DLGAP3: variants seen among roughly 807,000 people sequenced by gnomAD.
DLGAP3 encodes the protein DLG associated protein 3.
In DLGAP3, 17 loss-of-function variants were observed where a neutral mutation model predicts 81.2. The ratio of observed to expected loss-of-function variants is 0.21; its 90% confidence interval spans 0.14 to 0.31. DLGAP3 has a LOEUF of 0.31. Ranked by LOEUF, DLGAP3 falls within the 10% of genes least tolerant of loss-of-function variation. The pLI, the probability that DLGAP3 is intolerant of heterozygous loss-of-function variation, is 1.00. For missense variants in DLGAP3, 1,124 were observed against 1,388.0 expected, an observed-to-expected ratio of 0.81 and a Z score of 3.02; for synonymous variants, 577 against 587.4, an observed-to-expected ratio of 0.98 and a Z score of 0.26.
intron 1 of DLGAP3, among the ~76,000 whole-genome samples, chr1:34,922,179 G>T (rs1412876840): frequency 6.6e-6 from 1 of 152,092 alleles, no homozygotes; most frequent in East Asian, 1.9e-4. Context: ...TTCTTACTTG[G>T]CTATCCCCAA....
chr1:34,916,260 G>A (rs148841929), intron 1 of DLGAP3, among the ~76,000 whole-genome samples: 20 of 152,354 alleles, frequency 1.3e-4, no homozygotes, highest in South Asian at 6.2e-4. Context: ...AGAGGTGGGA[G>A]TGTCCCGTCC....
chr1:34,870,841 G>A (rs1056686961), intron 8 of DLGAP3, among the ~76,000 whole-genome samples: 1 of 152,212 alleles, frequency 6.6e-6, no homozygotes, highest in African/African-American at 2.4e-5. Context: ...GGGGCCAGGA[G>A]TTAGCTCTGA....
chr1:34,872,881 T>C (rs1439191998), intron 8 of DLGAP3, among the ~76,000 whole-genome samples: 1 of 152,168 alleles, frequency 6.6e-6, no homozygotes, highest in Non-Finnish European at 1.5e-5. Flanking sequence ...CCATTGAGAC[T>C]CTGACCCCAG....
At chr1:34,907,322 A>C (rs1245591989) in intron 2 of DLGAP3, 33 bp downstream of exon 2, 3 of 152,588 alleles carry the variant, frequency 2.0e-5, no homozygotes, top group Non-Finnish European at 2.9e-5. Context: ...ACCTGAGTCT[A>C]ATCCCCATCT....
chr1:34,879,945 C>A (rs1333010534), intron 8 of DLGAP3, among the ~76,000 whole-genome samples: 1 of 151,912 alleles, frequency 6.6e-6, no homozygotes, highest in Non-Finnish European at 1.5e-5. Context: ...AGAAAATAAC[C>A]AAAAGTAGAA....
chr1:34,899,494 C>T (rs187491018), intron 5 of DLGAP3, among the ~76,000 whole-genome samples, 175 bp downstream of exon 5: 25 of 152,358 alleles, frequency 1.6e-4, no homozygotes, highest in Admixed American at 9.1e-4. Context: ...CTGTGATTCT[C>T]TGAGACTCCC....
intron 5 of DLGAP3, among the ~76,000 whole-genome samples, chr1:34,890,713 A>T (rs1179890676): frequency 6.6e-6 from 1 of 152,204 alleles, no homozygotes; most frequent in Non-Finnish European, 1.5e-5. Context: ...ATGGAAGCAG[A>T]TCTTCACCCA....
Position 34,910,826 on chromosome 1 carries a change from C to G in DLGAP3, c.-134-3389G>C, listed in dbSNP as rs1639628460. Among the ~76,000 whole-genome samples the G allele has an allele frequency of 2.0e-5, 3 of 152,174 alleles. No homozygotes were observed. In the South Asian group the frequency reaches 6.2e-4, roughly 31 times the overall value. ...TGTGACTCCTAGATTGTCCATCTCT[C>G]CCATTAGAATGTAAGCTCCACATAA... On this transcript the variant is annotated intron_variant, in intron 1 of 11. Transcript: ENST00000373347.
chr1:34,872,812 A>G (rs1639000083), intron 8 of DLGAP3, among the ~76,000 whole-genome samples: 1 of 152,212 alleles, frequency 6.6e-6, no homozygotes. Flanking sequence ...GCCTCTATAA[A>G]CTGGGAAAAG....
intron 11 of DLGAP3, 64 bp downstream of exon 11, chr1:34,866,984 A>G (rs1215633826): frequency 1.9e-6 from 3 of 1,587,598 alleles, no homozygotes; most frequent in Non-Finnish European, 2.6e-6. Context: ...CCCACCCTCC[A>G]CCTCTCTGGG....
intron 1 of DLGAP3, among the ~76,000 whole-genome samples, chr1:34,914,873 G>A (rs1373481954): frequency 6.6e-6 from 1 of 152,134 alleles, no homozygotes; most frequent in Non-Finnish European, 1.5e-5. Flanking sequence ...ACGCATGCAG[G>A]AATTTCTGTT....
intron 1 of DLGAP3, among the ~76,000 whole-genome samples, chr1:34,908,577 A>G (rs1411260507): frequency 6.6e-6 from 1 of 152,208 alleles, no homozygotes; most frequent in African/African-American, 2.4e-5. Context: ...CTGGAAGACT[A>G]ATGATGTCAT....
rs1638912983 is a variant in DLGAP3 at position 34,868,021 on chromosome 1, T to C, written c.2486-394A>G. ...CCCAGTGCATGCAAGACTCCTTGGC[T>C]CTTTAAGAATGACCAAGTAATTTCA... is the stretch of plus-strand genomic sequence containing the variant. On this transcript the variant is annotated intron_variant, in intron 9 of 11. Transcript: ENST00000373347. This position sits in a 1 kb window ranked among gnomAD's most constrained non-coding sequence, Gnocchi z 7.5. Among the ~76,000 whole-genome samples the C allele has an allele frequency of 6.6e-6, 1 of 152,196 alleles. No homozygotes were observed. Among genetic ancestry groups the C allele is most frequent in the Non-Finnish European group, 1.5e-5 (1 of 68,034 alleles).
chr1:34,927,860 T>C (rs1021184005), intron 1 of DLGAP3, among the ~76,000 whole-genome samples: 4 of 152,172 alleles, frequency 2.6e-5, no homozygotes, highest in Non-Finnish European at 5.9e-5. Flanking sequence ...TTTGGGTCAC[T>C]GAAAGACCTG....
intron 1 of DLGAP3, among the ~76,000 whole-genome samples, chr1:34,918,795 T>C (rs1639757615): frequency 6.6e-6 from 1 of 152,076 alleles, no homozygotes; most frequent in African/African-American, 2.4e-5. Flanking sequence ...AAGGTCATCA[T>C]TACTCAGGAC....
chr1:34,917,053 A>G (rs1437963317), intron 1 of DLGAP3, among the ~76,000 whole-genome samples: 1 of 152,046 alleles, frequency 6.6e-6, no homozygotes, highest in African/African-American at 2.4e-5. Context: ...GAGGAGGCCA[A>G]TAGGTGGACC....
chr1:34,885,164 G>A, intron 7 of DLGAP3, 101 bp from the exon 8 acceptor site: 1 of 1,183,546 alleles, frequency 8.4e-7, no homozygotes, highest in Non-Finnish European at 1.2e-6. Flanking sequence ...CCAGCTGGCA[G>A]GTCCTGCAAA....
At chr1:34,928,183 C>T (rs1331270654) in intron 1 of DLGAP3, among the ~76,000 whole-genome samples, 2 of 152,060 alleles carry the variant, frequency 1.3e-5, no homozygotes, top group East Asian at 3.9e-4. Flanking sequence ...TTAGTACAGA[C>T]CCACCCGGAG....
chr1:34,898,924 T>C (rs1569635532), intron 5 of DLGAP3, among the ~76,000 whole-genome samples: 1 of 137,260 alleles, frequency 7.3e-6, no homozygotes, highest in African/African-American at 2.5e-5. Context: ...AAAATAACTG[T>C]CCCTAACCAT....
Sources: allele counts gnomAD v4.1 joint callset (sites outside exome capture counted in the v4.1 genomes callset), GRCh38; gene constraint gnomAD v4.1.1; non-coding constraint Gnocchi (gnomAD v3.1); transcripts MANE v1.5; gene names NCBI Gene and HGNC (gene_info 2026-07-23, HGNC 2026-07-21).